PAGE2: variants seen among roughly 807,000 people sequenced by gnomAD.
PAGE2 encodes PAGE family member 2.
A neutral mutation model predicts 7.5 loss-of-function variants in PAGE2; 6 were observed. The ratio of observed to expected loss-of-function variants is 0.80; its 90% CI spans 0.44 to 1.57. PAGE2 has a LOEUF of 1.57. Among genes scored for constraint, PAGE2 ranks in the 40% most tolerant of loss-of-function variants. The pLI, the probability that PAGE2 is intolerant of heterozygous loss-of-function variation, is 0.01. For synonymous variants in PAGE2, 22 were observed against 25.4 expected, an observed-to-expected ratio of 0.87 and a Z score of 0.41; for missense variants, 72 against 76.4, an observed-to-expected ratio of 0.94 and a Z score of 0.21.
intron 2 of PAGE2, 21 bp from the exon 3 acceptor site, chrX:55,090,481 C>T: frequency 4.3e-6 from 5 of 1,160,381 alleles, no homozygotes; most frequent in Non-Finnish European, 5.8e-6. Flanking sequence ...TTTTTATTCA[C>T]ACACACACTT....
At chrX:55,090,644 G>A in intron 3 of PAGE2, 34 bp downstream of exon 3, 2 of 1,099,151 alleles carry the variant, frequency 1.8e-6, no homozygotes, top group Non-Finnish European at 1.2e-6. Context: ...GCTTATGGGT[G>A]GTGGAGGTCT....
chrX:55,090,865 T>C (rs1936649645), intron 3 of PAGE2, among the ~76,000 whole-genome samples: 1 of 109,104 alleles, frequency 9.2e-6, no homozygotes, highest in Non-Finnish European at 1.9e-5. Context: ...TCCTGTATGC[T>C]TTGTTCAGCC....
In PAGE2 at chrX:55,090,626, A is replaced by G; in HGVS notation, c.193+16A>G. The G allele has an allele frequency of 8.5e-7, 1 of 1,179,794 alleles. No homozygotes were observed. The highest frequency in any genetic ancestry group is 1.8e-5 in the African/African-American group (1 of 55,358). ...GCTTTTCAAGGTGAAGGGAGAGTGG[A>G]AAATAATGCTTATGGGTGGTGGAGG... is the stretch of plus-strand genomic sequence containing the variant. On this transcript the variant is annotated intron_variant, in intron 3 of 4. Coordinates refer to ENST00000374968, the MANE Select transcript of PAGE2 (RefSeq NM_207339.4).
In PAGE2 at chrX:55,090,592, G is replaced by A; in HGVS notation, c.175G>A (p.Ala59Thr). ...ACCTAGTGGGGAGATTGAAAATCAA[G>A]CAGTGCCTGCTTTTCAAGGTGAAGG... is the stretch of plus-strand genomic sequence containing the variant. ...IAPSGEIENQ[A>T]VPAFQGPDME... is the part of the protein sequence containing the mutation. Residue 59 changes from alanine (A) to threonine (T), a missense_variant, in exon 3 of 5, where the codon GCA becomes ACA. Coordinates refer to ENST00000374968, the MANE Select transcript of PAGE2 (RefSeq NM_207339.4). The A allele has an allele frequency of 8.3e-7, 1 of 1,205,334 alleles. No individual in the cohort carries two copies. The highest frequency in any genetic ancestry group is 1.1e-6 in the Non-Finnish European group (1 of 892,894).
chrX:55,090,677 C>T (rs1195744800), intron 3 of PAGE2, 67 bp downstream of exon 3: 1 of 727,560 alleles, frequency 1.4e-6, no homozygotes, highest in Non-Finnish European at 2.1e-6. Flanking sequence ...TATTTTATGA[C>T]ATACCAGTAA....
chrX:55,089,273 T>G (rs1208763728), intron 1 of PAGE2, 170 bp downstream of exon 1: 2 of 111,062 alleles, frequency 1.8e-5, no homozygotes, highest in African/African-American at 6.7e-5. Flanking sequence ...GGACTTGTCC[T>G]GACTGGGCTG....
Position 55,090,087 on chromosome X carries a change from C to A in PAGE2, c.67C>A (p.Pro23Thr), listed in dbSNP as rs2146474683. Residue 23 changes from proline (P) to threonine (T), a missense_variant, in exon 2 of 5, where the codon CCG becomes ACG. Transcript: ENST00000374968. ...AGGAAATGACCAAGAGTCTTCCCAG[C>A]CGGTTGGATCTGTGATTGTGAGTCT... ...ERGNDQESSQ[P>T]VGSVIVQEPT... The A allele has an allele frequency of 8.3e-7, 1 of 1,201,632 alleles. No individual in the cohort carries two copies. The highest frequency in any genetic ancestry group is 1.1e-6 in the Non-Finnish European group (1 of 888,901).
chrX:55,090,562 A>G lies in PAGE2; in HGVS notation c.145A>G (p.Ile49Val), dbSNP rs1399742602. Residue 49 changes from isoleucine to valine, a missense_variant, in exon 3 of 5, where the codon ATT (isoleucine) becomes GTT (valine). Transcript: ENST00000374968. ...EEEPPTDNQG[I>V]APSGEIENQA... ...GGAACCACCAACTGATAATCAGGGT[A>G]TTGCACCTAGTGGGGAGATTGAAAA... 8.3e-7 allele frequency: 1 copy of G among 1,204,803 alleles called. No individual in the cohort carries two copies.
At chrX:55,090,880 T>G (rs1260373286) in intron 3 of PAGE2, among the ~76,000 whole-genome samples, 1 of 109,124 alleles carries the variant, frequency 9.2e-6, no homozygotes, top group Non-Finnish European at 1.9e-5. Flanking sequence ...TCAGCCATTT[T>G]CTGTTTTTTG....
At chrX:55,090,362 CT>C in intron 2 of PAGE2, 139 bp from the exon 3 acceptor site, 1 of 612,094 alleles carries the variant, frequency 1.6e-6, no homozygotes, top group Non-Finnish European at 2.6e-6. Context: ...ATCTATCTAT[CT>C]ATCATCTATC....
intron 2 of PAGE2, among the ~76,000 whole-genome samples, 168 bp downstream of exon 2, chrX:55,090,272 A>G (rs1936642351): frequency 9.1e-6 from 1 of 110,103 alleles, no homozygotes; most frequent in Admixed American, 9.6e-5. Flanking sequence ...TGTTACCTGT[A>G]TGGATATGGA....
In PAGE2 at chrX:55,089,993, TAAC is replaced by T. The variant is rs750860911; in HGVS notation, c.-8-17_-8-15del. 17 of 1,119,605 alleles carry T rather than the reference TAAC, an allele frequency of 1.5e-5. No individual in the cohort carries two copies. The African/African-American group carries it at 3.2e-4, about 21-fold the overall frequency. The allele number at this position is 1,119,605 out of a possible 1,213,427, so 92.3% of individuals were successfully genotyped here. On this transcript the variant is annotated splice_polypyrimidine_tract_variant and intron_variant, in intron 1 of 4. Transcript: ENST00000374968. ...TAAGTTCTTACACACTTTTTCCAAATAACAATATTCTGTTTGCAGTGGGAAATA... is the reference window on the plus strand; with the variant it reads ...TAAGTTCTTACACACTTTTTCCAAATAATATTCTGTTTGCAGTGGGAAATA...
chrX:55,089,898 A>C (rs1936638324), intron 1 of PAGE2, 115 bp from the exon 2 acceptor site: 2 of 569,895 alleles, frequency 3.5e-6, no homozygotes, highest in South Asian at 6.4e-5. Context: ...CTGTGACTTA[A>C]TTTGAAAATA....
intron 1 of PAGE2, among the ~76,000 whole-genome samples, chrX:55,089,629 C>T (rs1488591831): frequency 1.9e-5 from 2 of 106,314 alleles, no homozygotes; most frequent in Admixed American, 1.9e-4. Flanking sequence ...TCCAACAAGA[C>T]TTGATTTTGA....
intron 2 of PAGE2, among the ~76,000 whole-genome samples, 174 bp from the exon 3 acceptor site, chrX:55,090,328 G>GTCTA (rs35160510): frequency 0.21 from 21,049 of 101,858 alleles, 2,016 homozygotes; most frequent in African/African-American, 0.24. Context: ...CTGTCTGTCT[G>GTCTA]TCTATCTATC....
chrX:55,089,892 G>C, intron 1 of PAGE2, 121 bp from the exon 2 acceptor site: 1 of 543,738 alleles, frequency 1.8e-6, no homozygotes, highest in Non-Finnish European at 2.9e-6. Flanking sequence ...ATTGCTCTGT[G>C]ACTTAATTTG....
chrX:55,089,177 AG>A (rs1236103880), intron 1 of PAGE2, 74 bp downstream of exon 1: 1 of 111,781 alleles, frequency 8.9e-6, no homozygotes, highest in East Asian at 2.8e-4. Flanking sequence ...GGCTTTGGAC[AG>A]GTCCTGCGGC....
At chrX:55,089,629 C>A (rs1488591831) in intron 1 of PAGE2, among the ~76,000 whole-genome samples, 1 of 106,314 alleles carries the variant, frequency 9.4e-6, no homozygotes, top group Non-Finnish European at 1.9e-5. Flanking sequence ...TCCAACAAGA[C>A]TTGATTTTGA....
rs963092058 is a variant in PAGE2 at position 55,090,025 on chromosome X, G to A, written c.5G>A (p.Ser2Asn). The change falls in exon 2 of 5, where the codon AGT (serine) becomes AAT (asparagine). Residue 2 changes from serine (S) to asparagine (N), a missense_variant. Coordinates refer to ENST00000374968, the MANE Select transcript of PAGE2 (RefSeq NM_207339.4). M[S>N]ELLRARSQSS... Reference sequence around the variant, plus strand: ...ATTCTGTTTGCAGTGGGAAATATGAGTGAGCTTCTAAGAGCAAGATCCCAA... The same window carrying A: ...ATTCTGTTTGCAGTGGGAAATATGAATGAGCTTCTAAGAGCAAGATCCCAA... The A allele has an allele frequency of 8.4e-7, 1 of 1,186,007 alleles. No homozygotes were observed.
Sources: gnomAD v4.1 joint callset for allele counts (sites outside exome capture counted in the v4.1 genomes callset) on GRCh38, gnomAD v4.1.1 for gene constraint, MANE v1.5 for transcripts, NCBI Gene and HGNC (gene_info 2026-07-23, HGNC 2026-07-21) for gene names.